Variants in NPAS3 observed in about 807,000 individuals in gnomAD.
NPAS3 encodes the protein neuronal PAS domain-containing protein 3.
NPAS3 carries 14 observed loss-of-function variants against 73.1 expected under a neutral mutation model. That is an observed-to-expected ratio of 0.19 (90% CI 0.13 to 0.30). NPAS3 has a LOEUF of 0.30. NPAS3 is among the 10% of genes least tolerant of loss of function. NPAS3 has a pLI of 1.00. For missense variants in NPAS3, 1,096 were observed against 1,250.0 expected (o/e 0.88, Z 1.86); for synonymous variants, 620 against 541.5 (o/e 1.14, Z -2.01).
chr14:33,423,119 A>G (rs187937822), intron 4 of NPAS3, among the ~76,000 whole-genome samples: 1 of 152,136 alleles, frequency 6.6e-6, no homozygotes, highest in African/African-American at 2.4e-5. Context: ...GGACATTTTG[A>G]AGGCAGGTCG....
intron 4 of NPAS3, among the ~76,000 whole-genome samples, chr14:33,371,481 C>G (rs2046084750): frequency 6.6e-6 from 1 of 152,122 alleles, no homozygotes; most frequent in African/African-American, 2.4e-5. Flanking sequence ...TAACTCTTGG[C>G]CAATTATATG....
chr14:33,678,869 C>T (rs2059849182), intron 6 of NPAS3, among the ~76,000 whole-genome samples: 1 of 152,060 alleles, frequency 6.6e-6, no homozygotes. Flanking sequence ...CTCATAAATC[C>T]CATGCCTTCT....
At chr14:33,673,355 GTTATGAGGA>G (rs2059665302) in intron 5 of NPAS3, among the ~76,000 whole-genome samples, 1 of 152,132 alleles carries the variant, frequency 6.6e-6, no homozygotes, top group African/African-American at 2.4e-5. Context: ...TCAAAAGATT[GTTATGAGGA>G]TTAATCAAAG....
chr14:33,298,748 A>G lies in NPAS3; in HGVS notation c.386-68438A>G, dbSNP rs201548579. Among the ~76,000 whole-genome samples, 10 of 152,316 alleles carry G rather than the reference A, an allele frequency of 6.6e-5. No individual in the cohort carries two copies. The East Asian group carries it at 1.9e-3, about 29-fold the overall frequency. On this transcript the variant is annotated intron_variant, in intron 3 of 11. Transcript: ENST00000356141. Reference sequence around the variant, plus strand: ...GAAATTCGTTTAATAAAAAAGTGATATTTGACATTCTTTTCCACGTAAATA... The same window carrying G: ...GAAATTCGTTTAATAAAAAAGTGATGTTTGACATTCTTTTCCACGTAAATA...
chr14:33,086,518 A>G (rs2042030683), intron 2 of NPAS3, among the ~76,000 whole-genome samples: 1 of 152,182 alleles, frequency 6.6e-6, no homozygotes, highest in Non-Finnish European at 1.5e-5. Context: ...TCAGTTGTAC[A>G]GAAAGAAGCG....
At chr14:33,228,648 G>T (rs1319086536) in intron 3 of NPAS3, among the ~76,000 whole-genome samples, 3 of 152,012 alleles carry the variant, frequency 2.0e-5, no homozygotes, top group Non-Finnish European at 4.4e-5. Context: ...GCAAGACTCT[G>T]TACTAGGCTC....
chr14:33,346,768 T>G (rs2044756575), intron 3 of NPAS3, among the ~76,000 whole-genome samples: 1 of 152,122 alleles, frequency 6.6e-6, no homozygotes, highest in South Asian at 2.1e-4. Flanking sequence ...TCCTTTCATG[T>G]ATTACAGTTC....
intron 5 of NPAS3, among the ~76,000 whole-genome samples, chr14:33,611,810 G>C (rs1236831693): frequency 6.6e-6 from 1 of 152,004 alleles, no homozygotes. Context: ...TAAATGAGAT[G>C]ATTATCTTAC....
chr14:33,480,575 CTCTCTCTCTCCCTT>C (rs2051278604), intron 4 of NPAS3, among the ~76,000 whole-genome samples: 1 of 79,542 alleles, frequency 1.3e-5, no homozygotes, highest in Non-Finnish European at 2.3e-5. Flanking sequence ...CTCCCTCCCT[CTCTCTCTCTCCCTT>C]TCTCCCACCT....
intron 5 of NPAS3, among the ~76,000 whole-genome samples, chr14:33,607,017 A>G (rs1479586980): frequency 6.6e-6 from 1 of 152,226 alleles, no homozygotes; most frequent in Admixed American, 6.5e-5. Flanking sequence ...TTAAAACTAC[A>G]GTGATATTCC....
intron 2 of NPAS3, among the ~76,000 whole-genome samples, chr14:33,134,904 A>G (rs1053855737): frequency 6.6e-6 from 1 of 151,540 alleles, no homozygotes; most frequent in Non-Finnish European, 1.5e-5. Context: ...AGAGGCATTC[A>G]CAGGTATAGT....
intron 4 of NPAS3, among the ~76,000 whole-genome samples, chr14:33,382,197 A>G (rs549194831): frequency 6.6e-6 from 1 of 152,038 alleles, no homozygotes; most frequent in Non-Finnish European, 1.5e-5. Flanking sequence ...TACATGCTGC[A>G]TTTTCTCCTG....
intron 7 of NPAS3, among the ~76,000 whole-genome samples, chr14:33,736,020 A>G (rs2061516011): frequency 6.6e-6 from 1 of 152,208 alleles, no homozygotes. Context: ...AAGACCTATG[A>G]AATTCATGAA....
intron 3 of NPAS3, among the ~76,000 whole-genome samples, chr14:33,263,059 T>C (rs1441556483): frequency 6.6e-6 from 1 of 152,062 alleles, no homozygotes; most frequent in African/African-American, 2.4e-5. Context: ...TTTTCTCCCA[T>C]TCTATAGGTT....
chr14:33,066,060 G>T (rs2041267963), intron 2 of NPAS3, among the ~76,000 whole-genome samples: 1 of 152,094 alleles, frequency 6.6e-6, no homozygotes, highest in Admixed American at 6.5e-5. Context: ...ATTTTATGTA[G>T]TTGTAGGGGA....
At chr14:33,001,335 C>T (rs1367413379) in intron 1 of NPAS3, among the ~76,000 whole-genome samples, 1 of 152,150 alleles carries the variant, frequency 6.6e-6, no homozygotes, top group Non-Finnish European at 1.5e-5. Context: ...CACCTCCATG[C>T]AAGAGCCTGG....
At chr14:33,752,092 CACAAAGAAA>C (rs1366624565) in intron 7 of NPAS3, among the ~76,000 whole-genome samples, 14 of 152,124 alleles carry the variant, frequency 9.2e-5, no homozygotes, top group African/African-American at 2.7e-4. Context: ...ACATAATTTT[CACAAAGAAA>C]ACAAAGAAAA....
At chr14:33,605,305 T>C (rs879564060) in intron 5 of NPAS3, among the ~76,000 whole-genome samples, 2 of 151,280 alleles carry the variant, frequency 1.3e-5, no homozygotes, top group African/African-American at 4.9e-5. Flanking sequence ...AAGAAAGGGA[T>C]GTTTGCTCTT....
chr14:33,005,611 T>A (rs2038974531), intron 1 of NPAS3, among the ~76,000 whole-genome samples: 2 of 152,118 alleles, frequency 1.3e-5, no homozygotes, highest in South Asian at 4.1e-4. Context: ...TAATCTGTGC[T>A]GGAAAATAGA....
Sources: allele counts gnomAD v4.1 joint callset (sites outside exome capture counted in the v4.1 genomes callset), GRCh38; gene constraint gnomAD v4.1.1; transcripts MANE v1.5; gene names NCBI Gene and HGNC (gene_info 2026-07-23, HGNC 2026-07-21).